Variants in GRID2 observed in about 807,000 individuals in gnomAD.
GRID2 encodes glutamate ionotropic receptor delta type subunit 2.
In GRID2, 33 loss-of-function variants were observed where a neutral mutation model predicts 114.8. That is an observed-to-expected ratio of 0.29 (90% CI 0.22 to 0.38). The LOEUF (loss-of-function observed/expected upper bound fraction) is 0.38, where lower values mean the gene tolerates loss of function less well. GRID2 is among the 10% of genes least tolerant of loss of function. The pLI, the probability that GRID2 is intolerant of heterozygous loss-of-function variation, is 1.00. For synonymous variants in GRID2, 505 were observed against 449.9 expected (o/e 1.12, Z -1.55); for missense variants, 1,184 against 1,257.7 (o/e 0.94, Z 0.89).
chr4:93,375,073 G>C (rs1763246434), intron 8 of GRID2, among the ~76,000 whole-genome samples: 1 of 152,112 alleles, frequency 6.6e-6, no homozygotes, highest in Non-Finnish European at 1.5e-5. Context: ...CACATGGAAA[G>C]GGCAAGAGCT....
rs773755527 is a variant in GRID2, at chr4:92,356,399, GA to G, written c.88+51659del. Among the ~76,000 whole-genome samples, 67 of 151,180 alleles carry G rather than the reference GA, an allele frequency of 4.4e-4. 1 individual carries two copies. The highest frequency in any genetic ancestry group is 4.1e-4 in the Non-Finnish European group (28 of 67,638). On this transcript the variant is annotated intron_variant, in intron 1 of 15. Transcript: ENST00000282020. ...TATTTTTTAAAAATTAGAGGTTTAGGAAAACGTTCTATTTTAATGATCTCTT... is the reference window on the plus strand; with the variant it reads ...TATTTTTTAAAAATTAGAGGTTTAGGAAACGTTCTATTTTAATGATCTCTT...
At chr4:93,188,385 G>C (rs1740641100) in intron 4 of GRID2, among the ~76,000 whole-genome samples, 1 of 152,198 alleles carries the variant, frequency 6.6e-6, no homozygotes, top group African/African-American at 2.4e-5. Flanking sequence ...GCAACAGTAA[G>C]ACAGGGCAAG....
intron 2 of GRID2, among the ~76,000 whole-genome samples, chr4:92,862,028 C>T (rs373387209): frequency 6.6e-6 from 1 of 151,994 alleles, no homozygotes; most frequent in Non-Finnish European, 1.5e-5. Flanking sequence ...TTTTACCTAA[C>T]ACCTTGTCTA....
chr4:93,583,423 A>G (rs981212770), intron 13 of GRID2, among the ~76,000 whole-genome samples: 3 of 152,130 alleles, frequency 2.0e-5, no homozygotes, highest in Non-Finnish European at 4.4e-5. Flanking sequence ...TGTTATTATT[A>G]ATATTGATCC....
chr4:93,134,809 C>T (rs1048671843), intron 4 of GRID2, among the ~76,000 whole-genome samples: 1 of 152,068 alleles, frequency 6.6e-6, no homozygotes, highest in Non-Finnish European at 1.5e-5. Flanking sequence ...ACCAATTCTA[C>T]CCAGTGGCTA....
chr4:93,189,773 CCACACACACACACACACACACACA>C (rs34137840), intron 4 of GRID2, among the ~76,000 whole-genome samples: 6 of 138,896 alleles, frequency 4.3e-5, no homozygotes, highest in African/African-American at 1.6e-4. Context: ...CCACACCACA[CCACACACACACACACACACACACA>C]CACACACACA....
intron 9 of GRID2, among the ~76,000 whole-genome samples, chr4:93,407,148 G>A (rs1298041975): frequency 6.6e-6 from 1 of 152,156 alleles, no homozygotes. Flanking sequence ...CAAAGGCACA[G>A]TAAGAGGTTT....
rs556736240 is a variant in GRID2, at chr4:92,524,762, A to G, written c.89-65369A>G. On this transcript the variant is annotated intron_variant, in intron 1 of 15. Transcript: ENST00000282020. ...GAGAGTGGGAGTGAAAACCTAATATATTCACATTTTCCAGGAATTAGGAGG... is the reference window on the plus strand; with the variant it reads ...GAGAGTGGGAGTGAAAACCTAATATGTTCACATTTTCCAGGAATTAGGAGG... 9.9e-5 allele frequency among the ~76,000 whole-genome samples: 15 copies of G among 151,948 alleles called. No homozygotes were observed. In the East Asian group the frequency reaches 2.7e-3, roughly 28 times the overall value.
intron 8 of GRID2, among the ~76,000 whole-genome samples, chr4:93,303,589 G>T (rs1201787934): frequency 3.3e-5 from 5 of 152,202 alleles, no homozygotes; most frequent in Non-Finnish European, 7.3e-5. Context: ...GGGCGCAGGA[G>T]CCAATGCTAA....
At chr4:92,826,224 T>C (rs1270117702) in intron 2 of GRID2, among the ~76,000 whole-genome samples, 2 of 152,158 alleles carry the variant, frequency 1.3e-5, no homozygotes, top group African/African-American at 2.4e-5. Context: ...AGACAAGGTA[T>C]GCATCCAACT....
chr4:93,809,721 A>G (rs957770575), exon 2 of GRID2: 1 of 152,244 alleles, frequency 6.6e-6, no homozygotes, highest in Non-Finnish European at 1.5e-5. Flanking sequence ...CCTTCTTGCT[A>G]TAAGTCAGAA....
chr4:92,858,885 A>T (rs553653299), intron 2 of GRID2, among the ~76,000 whole-genome samples: 330 of 152,266 alleles, frequency 2.2e-3, no homozygotes, highest in African/African-American at 7.7e-3. Context: ...GGAATAAATA[A>T]GAGGTTTTAA....
In GRID2 at chr4:93,124,575, A is replaced by G. The variant is rs149414311; in HGVS notation, c.735+13622A>G. ...CACTGGAGTCCGAACCTATTTGCCAATCTGGGTTAGTATGAGTCAGTCTCC... is the reference window on the plus strand; with the variant it reads ...CACTGGAGTCCGAACCTATTTGCCAGTCTGGGTTAGTATGAGTCAGTCTCC... On this transcript the variant is annotated intron_variant, in intron 4 of 15. Transcript: ENST00000282020. Among the ~76,000 whole-genome samples the G allele has an allele frequency of 3.0e-3, 457 of 152,282 alleles. 1 individual carries two copies. The highest frequency in any genetic ancestry group is 0.01 in the African/African-American group (432 of 41,566).
intron 1 of GRID2, among the ~76,000 whole-genome samples, chr4:92,368,000 T>C (rs760160453): frequency 6.6e-6 from 1 of 152,014 alleles, no homozygotes; most frequent in South Asian, 2.1e-4. Context: ...TGTTGTGAGC[T>C]CAAAGAGAAA....
chr4:92,687,790 C>T (rs1175863040), intron 2 of GRID2, among the ~76,000 whole-genome samples: 1 of 151,958 alleles, frequency 6.6e-6, no homozygotes. Flanking sequence ...GATTGCACCA[C>T]TGCACTCCAG....
In GRID2 at chr4:93,207,410, G is replaced by A; in HGVS notation, c.742G>A (p.Glu248Lys). ...GATTTGTTTTCTATTCTAGGTTGTG[G>A]AGACTAATTTGGTTGCTTTTGACTG... ...TAKSFITEVV[E>K]TNLVAFDCHW... is the part of the protein sequence containing the mutation. The change falls in exon 5 of 16, where the codon GAG becomes AAG. Residue 248 changes from glutamate (E) to lysine (K), a missense_variant. Coordinates refer to ENST00000282020, the MANE Select transcript of GRID2 (RefSeq NM_001510.4). 6.3e-7 allele frequency: 1 copy of A among 1,599,886 alleles called. No homozygotes were observed. Among genetic ancestry groups the A allele is most frequent in the Non-Finnish European group, 8.6e-7 (1 of 1,167,648 alleles).
chr4:93,603,380 TATGAGAAAC>T (rs1274484946), intron 13 of GRID2, among the ~76,000 whole-genome samples: 1 of 152,188 alleles, frequency 6.6e-6, no homozygotes. Context: ...TATTCACCTC[TATGAGAAAC>T]ATGAGAAAGC....
At chr4:92,883,553 G>C (rs181222846) in intron 2 of GRID2, among the ~76,000 whole-genome samples, 375 of 152,272 alleles carry the variant, frequency 2.5e-3, no homozygotes, top group Non-Finnish European at 4.4e-3. Flanking sequence ...ATGGTAGCTA[G>C]AGCCTTAAGA....
chr4:93,052,417 T>C (rs1231624767), intron 2 of GRID2, among the ~76,000 whole-genome samples: 1 of 151,894 alleles, frequency 6.6e-6, no homozygotes, highest in African/African-American at 2.4e-5. Context: ...ATAAAGTCTA[T>C]TTACACAAAC....
Sources: gnomAD v4.1 joint callset for allele counts (sites outside exome capture counted in the v4.1 genomes callset) on GRCh38, gnomAD v4.1.1 for gene constraint, MANE v1.5 for transcripts, NCBI Gene and HGNC (gene_info 2026-07-23, HGNC 2026-07-21) for gene names.